SLC26A5: variants seen among roughly 807,000 people sequenced by gnomAD.
The protein encoded by SLC26A5 is prestin.
Under a neutral mutation model 81.0 loss-of-function variants are expected in SLC26A5, and 51 were observed. The ratio of observed to expected loss-of-function variants is 0.63; its 90% confidence interval spans 0.50 to 0.80. The LOEUF (loss-of-function observed/expected upper bound fraction) is 0.80. SLC26A5 is among the 30% of genes least tolerant of loss of function. The pLI is 0.00. For missense variants in SLC26A5, 771 were observed against 905.8 expected, an observed-to-expected ratio of 0.85 and a Z score of 1.91; for synonymous variants, 325 against 332.8, an observed-to-expected ratio of 0.98 and a Z score of 0.25.
rs1419922787 is a variant in SLC26A5, at chr7:103,392,944, T to C, written c.1094A>G (p.His365Arg). The change falls in exon 10 of 20, where the codon CAT becomes CGT. Residue 365 changes from histidine (H) to arginine (R), a missense_variant. By Grantham distance (29) the His-to-Arg change is conservative. Coordinates refer to ENST00000306312, the MANE Select transcript of SLC26A5 (RefSeq NM_198999.3). ...CTGATTGCCGTCAACCTGGTAGCCA[T>C]GTTTATTTGCTAAGGTCTTGGCCAT... ...ISMAKTLANK[H>R]GYQVDGNQEL... 2.5e-6 allele frequency: 4 copies of C among 1,614,028 alleles called. No homozygotes were observed. The highest frequency in any genetic ancestry group is 1.7e-5 in the Admixed American group (1 of 60,018).
chr7:103,413,022 G>T lies in SLC26A5; in HGVS notation c.383C>A (p.Thr128Asn). ...TTTACCTATGGATATGTGTCTGGAG[G>T]TTCCAAGAAAACAATACATGATAAC... is the stretch of plus-strand genomic sequence containing the variant. ...YPVIMYCFLG[T>N]SRHISIGPFA... Residue 128 changes from threonine (T) to asparagine (N), a missense_variant, in exon 5 of 20, where the codon ACC becomes AAC. By Grantham distance (65) the Thr-to-Asn change is moderately conservative (BLOSUM62 0). Transcript: ENST00000306312. The T allele has an allele frequency of 1.2e-6, 2 of 1,610,410 alleles. No homozygotes were observed. The highest frequency in any genetic ancestry group is 1.7e-6 in the Non-Finnish European group (2 of 1,176,718).
intron 2 of SLC26A5, among the ~76,000 whole-genome samples, chr7:103,441,260 G>GT (rs574198061): frequency 4.7e-4 from 71 of 152,228 alleles, no homozygotes; most frequent in African/African-American, 1.6e-3. Context: ...TATATACACT[G>GT]TTTTTTGTCT....
chr7:103,421,933 C>T (rs1825385309), intron 2 of SLC26A5, among the ~76,000 whole-genome samples: 1 of 152,138 alleles, frequency 6.6e-6, no homozygotes, highest in South Asian at 2.1e-4. Flanking sequence ...TACGATCAGT[C>T]CTTAAATTGA....
chr7:103,359,268 G>A (rs1820235715), intron 19 of SLC26A5, among the ~76,000 whole-genome samples: 1 of 149,090 alleles, frequency 6.7e-6, no homozygotes, highest in African/African-American at 2.5e-5. Context: ...AAAGTTCTGG[G>A]ATTACAGGTG....
intron 3 of SLC26A5, among the ~76,000 whole-genome samples, 162 bp from the exon 4 acceptor site, chr7:103,421,039 G>A (rs1825305269): frequency 6.6e-6 from 1 of 151,842 alleles, no homozygotes; most frequent in African/African-American, 2.4e-5. Flanking sequence ...CAGGGATAGG[G>A]AAAAAAAGAG....
downstream of SLC26A5, among the ~76,000 whole-genome samples, chr7:103,371,732 GAC>G (rs1821052259): frequency 7.2e-6 from 1 of 139,340 alleles, no homozygotes; most frequent in Middle Eastern, 3.9e-3. Flanking sequence ...GTCTTGCTCT[GAC>G]ACCCAGGCTG....
intron 19 of SLC26A5, among the ~76,000 whole-genome samples, chr7:103,365,883 G>A (rs896518645): frequency 2.6e-5 from 4 of 151,996 alleles, no homozygotes; most frequent in African/African-American, 4.8e-5. Context: ...AGCCGAGCTC[G>A]CACCACTGCA....
chr7:103,437,853 G>A (rs1286619819), intron 2 of SLC26A5, among the ~76,000 whole-genome samples: 1 of 152,204 alleles, frequency 6.6e-6, no homozygotes, highest in Non-Finnish European at 1.5e-5. Context: ...GGTTTTGAGA[G>A]CGATTGCACA....
chr7:103,405,911 C>T (rs1263540485), intron 8 of SLC26A5, among the ~76,000 whole-genome samples: 1 of 152,180 alleles, frequency 6.6e-6, no homozygotes, highest in African/African-American at 2.4e-5. Flanking sequence ...AGTCTGGCTA[C>T]AGCAGCTTTG....
chr7:103,396,513 T>C (rs1386782589), intron 9 of SLC26A5, among the ~76,000 whole-genome samples: 2 of 152,226 alleles, frequency 1.3e-5, no homozygotes, highest in Admixed American at 6.5e-5. Flanking sequence ...AAGAAAATAC[T>C]GTCATATGCT....
intron 13 of SLC26A5, 105 bp downstream of exon 13, chr7:103,389,224 T>C (rs1328381283): frequency 1.7e-6 from 2 of 1,178,868 alleles, no homozygotes; most frequent in Admixed American, 3.4e-5. Flanking sequence ...TCTAACTGGA[T>C]ACTGCACATA....
chr7:103,386,757 AT>A (rs200115695), intron 14 of SLC26A5, among the ~76,000 whole-genome samples: 13 of 151,302 alleles, frequency 8.6e-5, no homozygotes, highest in Admixed American at 5.3e-4. Flanking sequence ...AAAGTTATAG[AT>A]TTTTTTTTCT....
At chr7:103,397,472 C>T (rs1379099956) in intron 9 of SLC26A5, among the ~76,000 whole-genome samples, 7 of 133,054 alleles carry the variant, frequency 5.3e-5, no homozygotes, top group South Asian at 5.0e-4. Flanking sequence ...ACCCAGGAGG[C>T]GGAGCTTGCA....
intron 2 of SLC26A5, among the ~76,000 whole-genome samples, chr7:103,428,558 CTTTTTTTTT>C (rs10592922): frequency 6.8e-5 from 8 of 118,086 alleles, no homozygotes; most frequent in African/African-American, 2.8e-4. Flanking sequence ...CCTGCCAGTA[CTTTTTTTTT>C]TTTTTTTTTT....
chr7:103,377,407 T>A (rs986399584), intron 18 of SLC26A5, among the ~76,000 whole-genome samples, 192 bp downstream of exon 18: 1 of 152,232 alleles, frequency 6.6e-6, no homozygotes, highest in Non-Finnish European at 1.5e-5. Flanking sequence ...TTGATCATTG[T>A]TGAAGCTGAG....
At position 103,379,234 on chromosome 7, in the gene SLC26A5, A is replaced by C; in HGVS notation, c.1677+9T>G. ...CATCCTCAGAAATAATCAATTTCTCATGACTCACCTTTCGTTTTAATGCAT... is the reference window on the plus strand; with the variant it reads ...CATCCTCAGAAATAATCAATTTCTCCTGACTCACCTTTCGTTTTAATGCAT... On this transcript the variant is annotated intron_variant, in intron 16 of 19. Transcript: ENST00000306312. 2 of 1,591,910 alleles carry C rather than the reference A, an allele frequency of 1.3e-6. No individual in the cohort carries two copies. Among genetic ancestry groups the C allele is most frequent in the Non-Finnish European group, 1.7e-6 (2 of 1,159,960 alleles).
chr7:103,380,630 G>T, intron 14 of SLC26A5, 81 bp from the exon 15 acceptor site: 1 of 1,333,330 alleles, frequency 7.5e-7, no homozygotes, highest in Non-Finnish European at 1.1e-6. Context: ...GTTTATGTCA[G>T]GTTGGGGTTT....
intron 14 of SLC26A5, among the ~76,000 whole-genome samples, chr7:103,386,854 C>T (rs965824119): frequency 6.6e-6 from 1 of 151,934 alleles, no homozygotes; most frequent in African/African-American, 2.4e-5. Flanking sequence ...CCTCCACCTC[C>T]TGGGTTCCAG....
intron 7 of SLC26A5, among the ~76,000 whole-genome samples, chr7:103,408,333 TCTC>T (rs1417335437): frequency 1.3e-5 from 2 of 152,110 alleles, no homozygotes; most frequent in African/African-American, 4.8e-5. Flanking sequence ...TTCAAGCAAT[TCTC>T]CTGCCTCAGC....
Sources: gnomAD v4.1 joint callset for allele counts (sites outside exome capture counted in the v4.1 genomes callset) on GRCh38, gnomAD v4.1.1 for gene constraint, MANE v1.5 for transcripts, NCBI Gene and HGNC (gene_info 2026-07-23, HGNC 2026-07-21) for gene names.